SLC18A2: variants seen among roughly 807,000 people sequenced by gnomAD.
SLC18A2 encodes the protein synaptic vesicular amine transporter.
A neutral mutation model predicts 59.2 loss-of-function variants in SLC18A2; 33 were observed. That is an observed-to-expected ratio of 0.56 (90% confidence interval 0.42 to 0.75). SLC18A2 has a LOEUF of 0.75. Ranked by LOEUF, SLC18A2 falls within the 30% of genes least tolerant of loss-of-function variation. The probability of loss-of-function intolerance (pLI) is 0.00; values close to 1 mark genes in which losing one functional copy is unlikely to be tolerated. For synonymous variants in SLC18A2, 228 were observed against 253.5 expected, an observed-to-expected ratio of 0.90 and a Z score of 0.95; for missense variants, 569 against 668.6, an observed-to-expected ratio of 0.85 and a Z score of 1.64.
intron 10 of SLC18A2, among the ~76,000 whole-genome samples, chr10:117,258,830 G>C (rs1348313903): frequency 6.8e-6 from 1 of 147,362 alleles, no homozygotes; most frequent in Admixed American, 6.8e-5. Context: ...GCGGTGGCAC[G>C]ATCTCCACTC....
intron 4 of SLC18A2, 53 bp downstream of exon 4, chr10:117,253,510 G>A: frequency 4.3e-5 from 45 of 1,044,924 alleles, no homozygotes; most frequent in Non-Finnish European, 5.6e-5. Flanking sequence ...GGTGGGCATT[G>A]ATGCCCATGA....
At chr10:117,251,737 G>A (rs565183734) in intron 3 of SLC18A2, among the ~76,000 whole-genome samples, 6 of 152,278 alleles carry the variant, frequency 3.9e-5, no homozygotes, top group South Asian at 2.1e-4. Flanking sequence ...GGGTACTGGC[G>A]GAGGTGGTAA....
At chr10:117,258,312 C>T (rs942038611) in intron 10 of SLC18A2, among the ~76,000 whole-genome samples, 1 of 152,180 alleles carries the variant, frequency 6.6e-6, no homozygotes, top group African/African-American at 2.4e-5. Context: ...TGATTGAGGA[C>T]GTAAAACATT....
rs950331858 is a variant in SLC18A2 at position 117,269,240 on chromosome 10, C to T, written c.1187-831C>T. ...ACACATACACAAATACAAGTACATA[C>T]ACAAACACATATACACAGACACATA... On this transcript the variant is annotated intron_variant, in intron 13 of 15. Transcript: ENST00000644641. This position sits in a 1 kb window ranked among gnomAD's most constrained non-coding sequence, Gnocchi z 5.1. Among the ~76,000 whole-genome samples, 2 of 151,370 alleles carry T rather than the reference C, an allele frequency of 1.3e-5. No individual in the cohort carries two copies. Among genetic ancestry groups the T allele is most frequent in the African/African-American group, 4.8e-5 (2 of 41,302 alleles).
In SLC18A2 at chr10:117,278,114, A is replaced by G. The variant is rs984061561; in HGVS notation, c.*848A>G. The G allele has an allele frequency of 1.3e-5, 2 of 152,214 alleles. No homozygotes were observed. Among genetic ancestry groups the G allele is most frequent in the Non-Finnish European group, 1.5e-5 (1 of 68,028 alleles). The allele number at this position is 152,214 out of a possible 1,614,324, so 9.4% of individuals were successfully genotyped here. A position where few individuals can be genotyped will look rare whatever the true frequency, so the allele number is the denominator to read the frequency against. On this transcript the variant is annotated 3_prime_UTR_variant, in exon 16 of 16. Transcript: ENST00000644641. ...AAGGTTGTTTAAACATGATAAGGTTAATCGCCATCTACTTCAAGTTTTAGA... is the reference window on the plus strand; with the variant it reads ...AAGGTTGTTTAAACATGATAAGGTTGATCGCCATCTACTTCAAGTTTTAGA...
chr10:117,241,530 C>A, intron 1 of SLC18A2, 149 bp from the exon 2 acceptor site: 1 of 829,458 alleles, frequency 1.2e-6, no homozygotes, highest in Non-Finnish European at 1.7e-6. Context: ...GGGACGCGCT[C>A]GAGGCAGGTG....
intron 15 of SLC18A2, among the ~76,000 whole-genome samples, chr10:117,276,801 G>A (rs1185927332): frequency 9.9e-5 from 15 of 152,102 alleles, no homozygotes; most frequent in Admixed American, 9.8e-4. Context: ...TCTGTAAACA[G>A]AAGTTGGACT....
chr10:117,252,819 A>T (rs909688767), intron 3 of SLC18A2, among the ~76,000 whole-genome samples: 5 of 152,236 alleles, frequency 3.3e-5, no homozygotes, highest in African/African-American at 4.8e-5. Context: ...GGGTCTTTCC[A>T]CCAGCCCTGT....
intron 10 of SLC18A2, among the ~76,000 whole-genome samples, chr10:117,260,145 C>G (rs1001161211): frequency 6.6e-6 from 1 of 152,146 alleles, no homozygotes; most frequent in Non-Finnish European, 1.5e-5. Flanking sequence ...AAACACCCTC[C>G]CACCATGTTC....
At chr10:117,244,974 G>C (rs778827582) in intron 3 of SLC18A2, among the ~76,000 whole-genome samples, 1 of 152,254 alleles carries the variant, frequency 6.6e-6, no homozygotes, top group Non-Finnish European at 1.5e-5. Context: ...GAATCAGGCT[G>C]TTCTAGATTT....
chr10:117,272,594 A>G (rs960091161), intron 15 of SLC18A2, among the ~76,000 whole-genome samples: 1 of 152,232 alleles, frequency 6.6e-6, no homozygotes, highest in African/African-American at 2.4e-5. Flanking sequence ...AAGGAAGTGG[A>G]AGAGACGATC....
At chr10:117,250,727 C>A (rs1372786304) in intron 3 of SLC18A2, among the ~76,000 whole-genome samples, 1 of 152,288 alleles carries the variant, frequency 6.6e-6, no homozygotes, top group South Asian at 2.1e-4. Context: ...CAGTGTTGAT[C>A]CTCTGAAAAA....
chr10:117,243,360 A>C (rs1019234737), intron 2 of SLC18A2, among the ~76,000 whole-genome samples: 1 of 152,224 alleles, frequency 6.6e-6, no homozygotes, highest in African/African-American at 2.4e-5. Flanking sequence ...AGAAACCCAC[A>C]AATGACAGAA....
chr10:117,242,978 C>A (rs149461310), intron 2 of SLC18A2, among the ~76,000 whole-genome samples: 1 of 152,106 alleles, frequency 6.6e-6, no homozygotes, highest in Non-Finnish European at 1.5e-5. Context: ...GTGATCTACC[C>A]GCCTCGACCT....
chr10:117,253,561 G>A (rs11197934), intron 4 of SLC18A2, 104 bp downstream of exon 4: 16 of 298,068 alleles, frequency 5.4e-5, no homozygotes, highest in African/African-American at 1.1e-4. Context: ...GCGGGGGGGC[G>A]GGGGGGGTCG....
Position 117,257,705 on chromosome 10 carries a change from G to A in SLC18A2, c.896-92G>A, listed in dbSNP as rs558427380. On this transcript the variant is annotated intron_variant, in intron 9 of 15. Coordinates refer to ENST00000644641, the MANE Select transcript of SLC18A2 (RefSeq NM_003054.6). ...TTTACTTAATGAAAGTAGAAGTTGC[G>A]GTTATCTGAGCTGTAGGCGCATGGA... 1.2e-4 allele frequency: 75 copies of A among 646,066 alleles called. 1 individual carries two copies. The East Asian group carries it at 2.0e-3, about 17-fold the overall frequency. 40.0% of individuals were successfully genotyped at this position (646,066 alleles called of 1,614,324 possible).
At chr10:117,247,010 G>A (rs1281148896) in intron 3 of SLC18A2, among the ~76,000 whole-genome samples, 1 of 152,178 alleles carries the variant, frequency 6.6e-6, no homozygotes, top group Non-Finnish European at 1.5e-5. Context: ...TAATTTCCAA[G>A]CCCAGTAGAT....
Position 117,269,112 on chromosome 10 carries a change from C to T in SLC18A2, c.1187-959C>T, listed in dbSNP as rs1192056536. Among the ~76,000 whole-genome samples, 10 of 151,384 alleles carry T rather than the reference C, an allele frequency of 6.6e-5. No individual in the cohort carries two copies. Among genetic ancestry groups the T allele is most frequent in the South Asian group, 4.2e-4 (2 of 4,800 alleles). On this transcript the variant is annotated intron_variant, in intron 13 of 15. Coordinates refer to ENST00000644641, the MANE Select transcript of SLC18A2 (RefSeq NM_003054.6). This position sits in a 1 kb window ranked among gnomAD's most constrained non-coding sequence, Gnocchi z 5.1. ...ACACACATATGCATACATACATACA[C>T]GTAGATACACATACACATACAAACA...
intron 15 of SLC18A2, among the ~76,000 whole-genome samples, chr10:117,273,238 GA>G (rs1844446781): frequency 2.0e-5 from 3 of 152,142 alleles, no homozygotes; most frequent in South Asian, 2.1e-4. Flanking sequence ...ATAGGTGGAG[GA>G]AAAAAACTGT....
Sources: gnomAD v4.1 joint callset for allele counts (sites outside exome capture counted in the v4.1 genomes callset) on GRCh38, gnomAD v4.1.1 for gene constraint, Gnocchi (gnomAD v3.1) non-coding constraint, MANE v1.5 for transcripts, NCBI Gene and HGNC (gene_info 2026-07-23, HGNC 2026-07-21) for gene names.